The following SLC24A2 variants were observed in gnomAD, a reference collection of about 807,000 sequenced individuals.
SLC24A2 encodes sodium/potassium/calcium exchanger 2.
SLC24A2 carries 36 observed loss-of-function variants against 62.0 expected under a neutral mutation model. That is an observed-to-expected ratio of 0.58 (90% CI 0.44 to 0.77). SLC24A2 has a LOEUF of 0.77. SLC24A2 is among the 30% of genes least tolerant of loss of function. The pLI is 0.00. For missense variants in SLC24A2, 846 were observed against 817.9 expected, an observed-to-expected ratio of 1.03 and a Z score of -0.42; for synonymous variants, 358 against 294.0, an observed-to-expected ratio of 1.22 and a Z score of -2.23.
chr9:19,982,655 A>G, the SLC24A2 span, among the ~76,000 whole-genome samples: 1 of 152,192 alleles, frequency 6.6e-6, no homozygotes, highest in Admixed American at 6.5e-5. Flanking sequence ...GAAAAATAGA[A>G]GAAGAGGAAA....
At chr9:20,173,732 C>T in the SLC24A2 span, among the ~76,000 whole-genome samples, 24 of 152,022 alleles carry the variant, frequency 1.6e-4, no homozygotes, top group Non-Finnish European at 2.6e-4. Flanking sequence ...GTTCCATGCT[C>T]GTACATAGGT....
chr9:19,728,848 T>C lies in SLC24A2; in HGVS notation c.930+57089A>G, dbSNP rs1821250914. 2.6e-5 allele frequency among the ~76,000 whole-genome samples: 4 copies of C among 152,160 alleles called. No individual in the cohort carries two copies. In the South Asian group the frequency reaches 6.2e-4, roughly 24 times the overall value. ...ATCAAAAAATTGTCATTTTTATTTG[T>C]TTGCATTGAGGCTGAGACTAAAAAG... On this transcript the variant is annotated intron_variant, in intron 2 of 10. Coordinates refer to ENST00000341998, the MANE Select transcript of SLC24A2 (RefSeq NM_020344.4).
chr9:20,041,931 C>A, the SLC24A2 span, among the ~76,000 whole-genome samples: 1 of 152,260 alleles, frequency 6.6e-6, no homozygotes, highest in African/African-American at 2.4e-5. Context: ...GAGAGCCCCC[C>A]TTTCTGTCCC....
At chr9:19,543,839 T>G (rs556828519) in intron 8 of SLC24A2, among the ~76,000 whole-genome samples, 12 of 152,286 alleles carry the variant, frequency 7.9e-5, no homozygotes, top group Admixed American at 5.9e-4. Context: ...TGAGGAGTGT[T>G]TTACTTCCAA....
chr9:19,673,388 A>G lies in SLC24A2; in HGVS notation c.931-51089T>C, dbSNP rs186301512. Among the ~76,000 whole-genome samples, 4 of 126,312 alleles carry G rather than the reference A, an allele frequency of 3.2e-5. No individual in the cohort carries two copies. The East Asian group carries it at 7.7e-4, about 24-fold the overall frequency. 82.9% of individuals were successfully genotyped at this position (126,312 alleles called of 152,430 possible). ...TTGCTTTTGGTGTCCATTTGCATGG[A>G]ATATCTTCCACCACTTTAAGTTTAT... is the stretch of plus-strand genomic sequence containing the variant. On this transcript the variant is annotated intron_variant, in intron 2 of 10. Coordinates refer to ENST00000341998, the MANE Select transcript of SLC24A2 (RefSeq NM_020344.4).
At chr9:19,563,482 G>A (rs1292378309) in intron 7 of SLC24A2, among the ~76,000 whole-genome samples, 1 of 152,076 alleles carries the variant, frequency 6.6e-6, no homozygotes, top group East Asian at 1.9e-4. Flanking sequence ...GCTTACTAAG[G>A]ATAATATTTT....
chr9:20,137,409 C>G, the SLC24A2 span, among the ~76,000 whole-genome samples: 1 of 152,164 alleles, frequency 6.6e-6, no homozygotes, highest in Non-Finnish European at 1.5e-5. Context: ...ATTGGAAGAG[C>G]TGGGTTTAAG....
the SLC24A2 span, among the ~76,000 whole-genome samples, chr9:19,864,381 C>CAACAAAA: frequency 6.6e-6 from 1 of 151,418 alleles, no homozygotes; most frequent in African/African-American, 2.4e-5. Context: ...AAAAAAACAA[C>CAACAAAA]AACAAAAAAC....
the SLC24A2 span, among the ~76,000 whole-genome samples, chr9:19,970,389 T>C: frequency 6.6e-6 from 1 of 152,240 alleles, no homozygotes; most frequent in Non-Finnish European, 1.5e-5. Context: ...GAAATAGTAA[T>C]ACTCCATTTA....
intron 2 of SLC24A2, among the ~76,000 whole-genome samples, chr9:19,769,074 T>C (rs1350037541): frequency 1.3e-5 from 2 of 152,218 alleles, no homozygotes; most frequent in Non-Finnish European, 2.9e-5. Context: ...TCCATTTCAA[T>C]GTTCAAGTTA....
chr9:20,122,291 C>A, the SLC24A2 span, among the ~76,000 whole-genome samples: 1 of 152,146 alleles, frequency 6.6e-6, no homozygotes, highest in Non-Finnish European at 1.5e-5. Context: ...CCTATACATC[C>A]GATAGTTCTG....
chr9:19,914,388 G>C, the SLC24A2 span, among the ~76,000 whole-genome samples: 23 of 152,020 alleles, frequency 1.5e-4, no homozygotes, highest in East Asian at 4.3e-3. Context: ...TTATACAAAA[G>C]ACCCTACTTG....
the SLC24A2 span, among the ~76,000 whole-genome samples, chr9:20,112,760 C>T: frequency 0.21 from 31,951 of 151,768 alleles, 3,865 homozygotes; most frequent in East Asian, 0.58. Flanking sequence ...TGTCTGAAGG[C>T]GAATCACCTA....
the SLC24A2 span, among the ~76,000 whole-genome samples, chr9:20,009,226 C>CTA: frequency 5.9e-5 from 9 of 152,074 alleles, no homozygotes; most frequent in East Asian, 1.7e-3. Context: ...AACAGCAGGG[C>CTA]TATACCACCT....
intron 2 of SLC24A2, among the ~76,000 whole-genome samples, chr9:19,647,216 C>G (rs1046517795): frequency 6.6e-6 from 1 of 152,096 alleles, no homozygotes; most frequent in Non-Finnish European, 1.5e-5. Flanking sequence ...CAAGGAGTCT[C>G]AGACATCTAT....
chr9:20,256,634 G>T, the SLC24A2 span, among the ~76,000 whole-genome samples: 2 of 152,078 alleles, frequency 1.3e-5, no homozygotes, highest in Admixed American at 1.3e-4. Flanking sequence ...TATAAATGCT[G>T]TGGGATTCCT....
chr9:20,115,859 C>T, the SLC24A2 span, among the ~76,000 whole-genome samples: 1 of 152,124 alleles, frequency 6.6e-6, no homozygotes, highest in African/African-American at 2.4e-5. Flanking sequence ...CAATTTGAGA[C>T]AATTTTAAGC....
the SLC24A2 span, among the ~76,000 whole-genome samples, chr9:19,828,044 T>A: frequency 6.6e-6 from 1 of 152,330 alleles, no homozygotes; most frequent in East Asian, 1.9e-4. Context: ...CAGCCTGGTT[T>A]TATGACGGTC....
intron 2 of SLC24A2, among the ~76,000 whole-genome samples, chr9:19,683,479 G>A (rs1345920936): frequency 6.6e-6 from 1 of 151,932 alleles, no homozygotes; most frequent in Non-Finnish European, 1.5e-5. Context: ...CCTAGCCATT[G>A]TGATCAGGTG....
Sources: gnomAD v4.1 joint callset for allele counts (sites outside exome capture counted in the v4.1 genomes callset) on GRCh38, gnomAD v4.1.1 for gene constraint, MANE v1.5 for transcripts, NCBI Gene and HGNC (gene_info 2026-07-23, HGNC 2026-07-21) for gene names.